The following RSU1 variants were observed in gnomAD, a reference collection of about 807,000 sequenced individuals.
RSU1 encodes rsu-1.
In RSU1, 26 loss-of-function variants were observed where a neutral mutation model predicts 31.1. The ratio of observed to expected loss-of-function variants is 0.84; its 90% CI spans 0.61 to 1.16. The LOEUF (loss-of-function observed/expected upper bound fraction) is 1.16. Ranked by LOEUF, RSU1 falls within the 50% of genes most tolerant of loss-of-function variation. RSU1 has a pLI of 0.00. For synonymous variants in RSU1, 164 were observed against 136.3 expected (o/e 1.20, Z -1.41); for missense variants, 320 against 339.1 (o/e 0.94, Z 0.44).
At chr10:16,766,746 G>C (rs766344719) in intron 3 of RSU1, among the ~76,000 whole-genome samples, 1 of 151,824 alleles carries the variant, frequency 6.6e-6, no homozygotes, top group Non-Finnish European at 1.5e-5. Context: ...TGGTGTGGTA[G>C]CTCACTCCTG....
At chr10:16,751,042 CT>C (rs992562973) in intron 7 of RSU1, among the ~76,000 whole-genome samples, 5 of 151,776 alleles carry the variant, frequency 3.3e-5, no homozygotes, top group Non-Finnish European at 5.9e-5. Flanking sequence ...ATTTTTTGTA[CT>C]TTTTGTAGAG....
At chr10:16,722,523 A>G (rs1004296954) in intron 7 of RSU1, among the ~76,000 whole-genome samples, 29 of 152,256 alleles carry the variant, frequency 1.9e-4, no homozygotes, top group African/African-American at 7.0e-4. Context: ...ATGAAAGTGA[A>G]AATATCCACC....
chr10:16,795,534 G>GA (rs1460194145), intron 2 of RSU1, among the ~76,000 whole-genome samples: 1 of 152,000 alleles, frequency 6.6e-6, no homozygotes, highest in African/African-American at 2.4e-5. Flanking sequence ...TTTTAGATGA[G>GA]AAAAATGAGA....
intron 8 of RSU1, among the ~76,000 whole-genome samples, chr10:16,683,379 T>G (rs538287252): frequency 6.6e-5 from 10 of 152,312 alleles, no homozygotes; most frequent in African/African-American, 1.9e-4. Context: ...GTTTGTATAT[T>G]ATTTCATATG....
In RSU1 at chr10:16,761,628, G is replaced by A. The variant is rs1304919004; in HGVS notation, c.281+2762C>T. The stretch of plus-strand genomic sequence containing the variant: ...TGCCAGCACTTTGGGAGGCCGAGGC[G>A]GGTGGATCATGAGGTCAGGAGATAA... On this transcript the variant is annotated intron_variant, in intron 4 of 8. Transcript: ENST00000345264. Among the ~76,000 whole-genome samples, 4 of 152,210 alleles carry A rather than the reference G, an allele frequency of 2.6e-5. No homozygotes were observed. In the East Asian group the frequency reaches 5.8e-4, roughly 22 times the overall value.
intron 4 of RSU1, among the ~76,000 whole-genome samples, chr10:16,762,668 T>C (rs1837233354): frequency 6.6e-6 from 1 of 152,190 alleles, no homozygotes; most frequent in Non-Finnish European, 1.5e-5. Context: ...ACCAAATTCC[T>C]TGTGGGAGCA....
In RSU1 at chr10:16,683,035, C is replaced by T. The variant is rs563997795; in HGVS notation, c.731+11988G>A. Among the ~76,000 whole-genome samples, 64 of 152,294 alleles carry T rather than the reference C, an allele frequency of 4.2e-4. 2 individuals are homozygous for T. In the South Asian group the frequency reaches 0.013, roughly 31 times the overall value. ...AAGCAGCTTTTGTTTTAACAGGGTC[C>T]ATTCTTAAAAGATTAACAATAACAG... is the stretch of plus-strand genomic sequence containing the variant. On this transcript the variant is annotated intron_variant, in intron 8 of 8. Coordinates refer to ENST00000345264, the MANE Select transcript of RSU1 (RefSeq NM_012425.4).
intron 7 of RSU1, among the ~76,000 whole-genome samples, chr10:16,703,856 G>C (rs1019639363): frequency 6.6e-6 from 1 of 152,224 alleles, no homozygotes; most frequent in Non-Finnish European, 1.5e-5. Context: ...TTGGATGACA[G>C]ATCATAAATG....
In RSU1 at chr10:16,817,001, G is replaced by C; in HGVS notation, c.81C>G (p.Ile27Met). ...QPEVDMSDRG[I>M]SNMLDVNGLF... Reference sequence around the variant, plus strand: ...GGCCGTTGACATCCAGCATGTTGGAGATGCCCCGGTCACTCATGTCCACCT... The same window carrying C: ...GGCCGTTGACATCCAGCATGTTGGACATGCCCCGGTCACTCATGTCCACCT... Residue 27 changes from isoleucine (I) to methionine (M), a missense_variant, in exon 2 of 9, where the codon ATC becomes ATG. Ile to Met is a conservative substitution (Grantham distance 10, BLOSUM62 1). Coordinates refer to ENST00000345264, the MANE Select transcript of RSU1 (RefSeq NM_012425.4). 1 of 1,613,980 alleles carries C rather than the reference G, an allele frequency of 6.2e-7. No individual in the cohort carries two copies. Among genetic ancestry groups the C allele is most frequent in the South Asian group, 1.1e-5 (1 of 91,086 alleles).
At chr10:16,738,282 T>TAA (rs201088417) in intron 7 of RSU1, among the ~76,000 whole-genome samples, 8 of 148,558 alleles carry the variant, frequency 5.4e-5, no homozygotes, top group Admixed American at 2.0e-4. Context: ...CCGTCTCTAC[T>TAA]AAAAAAAAAA....
At chr10:16,738,284 A>C (rs1343093577) in intron 7 of RSU1, among the ~76,000 whole-genome samples, 1 of 150,658 alleles carries the variant, frequency 6.6e-6, no homozygotes, top group African/African-American at 2.4e-5. Flanking sequence ...GTCTCTACTA[A>C]AAAAAAAATA....
intron 8 of RSU1, among the ~76,000 whole-genome samples, chr10:16,665,950 A>T (rs1834981059): frequency 6.6e-6 from 1 of 152,232 alleles, no homozygotes; most frequent in Admixed American, 6.5e-5. Flanking sequence ...CACATAAAAT[A>T]GCTAGTCAAT....
chr10:16,806,476 A>C lies in RSU1; in HGVS notation c.109+10497T>G, dbSNP rs1215465846. On this transcript the variant is annotated intron_variant, in intron 2 of 8. Transcript: ENST00000345264. Reference sequence around the variant, plus strand: ...TTTGAGCAAGTTAATGATGCTCCTTAAATCTGTTTCCTTACCTATTAACTA... The same window carrying C: ...TTTGAGCAAGTTAATGATGCTCCTTCAATCTGTTTCCTTACCTATTAACTA... Among the ~76,000 whole-genome samples, 9 of 152,172 alleles carry C rather than the reference A, an allele frequency of 5.9e-5. 1 individual carries two copies. The highest frequency in any genetic ancestry group is 4.6e-4 in the Admixed American group (7 of 15,276).
intron 8 of RSU1, among the ~76,000 whole-genome samples, chr10:16,643,858 A>G (rs1476767576): frequency 6.6e-6 from 1 of 151,844 alleles, no homozygotes; most frequent in Non-Finnish European, 1.5e-5. Flanking sequence ...AGAAAAAACA[A>G]TGGATGGCTG....
Position 16,645,996 on chromosome 10 carries a change from ATATATATGTG to A in RSU1, c.731+49017_731+49026del, listed in dbSNP as rs1164037675. 2.0e-4 allele frequency among the ~76,000 whole-genome samples: 19 copies of A among 95,626 alleles called. 4 individuals are homozygous for A. The South Asian group carries it at 2.5e-3, about 13-fold the overall frequency. The allele number at this position is 95,626 out of a possible 152,430, so 62.7% of individuals were successfully genotyped here. Reference sequence around the variant, plus strand: ...TATATGTGTATATACATATATGTGTATATATATGTGTATATACATATATGTGTATATATAT... The same window carrying A: ...TATATGTGTATATACATATATGTGTATATATACATATATGTGTATATATAT... On this transcript the variant is annotated intron_variant, in intron 8 of 8. Coordinates refer to ENST00000345264, the MANE Select transcript of RSU1 (RefSeq NM_012425.4).
At chr10:16,652,727 G>T (rs1447199626) in intron 8 of RSU1, among the ~76,000 whole-genome samples, 1 of 152,102 alleles carries the variant, frequency 6.6e-6, no homozygotes, top group Non-Finnish European at 1.5e-5. Flanking sequence ...CTGCCACCCA[G>T]GCTGGAGTGC....
chr10:16,647,042 A>C (rs1834585514), intron 8 of RSU1, among the ~76,000 whole-genome samples: 1 of 149,788 alleles, frequency 6.7e-6, no homozygotes, highest in Non-Finnish European at 1.5e-5. Flanking sequence ...CAGTGGTGTG[A>C]TCTCGGCTCA....
intron 7 of RSU1, among the ~76,000 whole-genome samples, chr10:16,748,918 C>G (rs1489654202): frequency 6.6e-6 from 1 of 151,698 alleles, no homozygotes; most frequent in Non-Finnish European, 1.5e-5. Context: ...TATTCTCTCT[C>G]TCTTTCTTCT....
At position 16,648,644 on chromosome 10, in the gene RSU1, G is replaced by C. The variant is rs141574166; in HGVS notation, c.731+46379C>G. 5.9e-5 allele frequency among the ~76,000 whole-genome samples: 9 copies of C among 152,156 alleles called. No homozygotes were observed. The East Asian group carries it at 1.7e-3, about 29-fold the overall frequency. On this transcript the variant is annotated intron_variant, in intron 8 of 8. Coordinates refer to ENST00000345264, the MANE Select transcript of RSU1 (RefSeq NM_012425.4). ...TCATTTTTTTTCTAAAATCAAATGG[G>C]AAATTCAATTATTCACTATTCTACT...
Sources: gnomAD v4.1 joint callset for allele counts (sites outside exome capture counted in the v4.1 genomes callset) on GRCh38, gnomAD v4.1.1 for gene constraint, MANE v1.5 for transcripts, NCBI Gene and HGNC (gene_info 2026-07-23, HGNC 2026-07-21) for gene names.